ENAH: variants seen among roughly 807,000 people sequenced by gnomAD.
The protein encoded by ENAH is ENAH actin regulator, also known as protein enabled homolog.
A neutral mutation model predicts 78.7 loss-of-function variants in ENAH; 23 were observed. The observed-to-expected ratio is 0.29, with a 90% confidence interval of 0.21 to 0.41. The LOEUF is 0.41. ENAH is among the 10% of genes least tolerant of loss of function. The probability of loss-of-function intolerance (pLI) is 1.00; values close to 1 mark genes in which losing one functional copy is unlikely to be tolerated. For synonymous variants in ENAH, 226 were observed against 241.0 expected (o/e 0.94, Z 0.58); for missense variants, 544 against 691.0 (o/e 0.79, Z 2.39).
rs190823607 is a variant in ENAH, at chr1:225,600,854, T to A, written c.6-33440A>T. On this transcript the variant is annotated intron_variant, in intron 1 of 13. Transcript: ENST00000366843. ...GATTTAAGAGGAAAATATATAGCTT[T>A]AAACATTTACCAGGAAATAAAAAAG... Among the ~76,000 whole-genome samples, 10 of 151,894 alleles carry A rather than the reference T, an allele frequency of 6.6e-5. 1 individual carries two copies. The highest frequency in any genetic ancestry group is 6.8e-3 in the Middle Eastern group (2 of 294).
chr1:225,641,227 C>T (rs1320582585), intron 1 of ENAH, among the ~76,000 whole-genome samples: 3 of 151,224 alleles, frequency 2.0e-5, no homozygotes, highest in Non-Finnish European at 4.4e-5. Context: ...ATGTACTTAA[C>T]GATAAAAAAG....
intron 1 of ENAH, among the ~76,000 whole-genome samples, chr1:225,623,765 A>G (rs1468774142): frequency 2.0e-5 from 3 of 151,606 alleles, no homozygotes; most frequent in African/African-American, 4.8e-5. Flanking sequence ...TTTTTCTTGT[A>G]TTTTTAGTAG....
Position 225,494,889 on chromosome 1 carries a change from C to T in ENAH, c.*2886G>A, listed in dbSNP as rs149028026. 1.6e-4 allele frequency: 24 copies of T among 152,488 alleles called. 3 individuals carry two copies. Among genetic ancestry groups the T allele is most frequent in the African/African-American group, 2.9e-4 (12 of 41,476 alleles). 9.4% of individuals were successfully genotyped at this position (152,488 alleles called of 1,614,324 possible). ...GAAACTTAAATGAAACAAATTTAAACGAAATAGTTACGGTAAAAATAGCAG... is the reference window on the plus strand; with the variant it reads ...GAAACTTAAATGAAACAAATTTAAATGAAATAGTTACGGTAAAAATAGCAG... On this transcript the variant is annotated 3_prime_UTR_variant, in exon 14 of 14. Transcript: ENST00000366843.
chr1:225,537,121 A>G (rs1050117056), intron 3 of ENAH, among the ~76,000 whole-genome samples: 5 of 152,032 alleles, frequency 3.3e-5, no homozygotes, highest in African/African-American at 1.2e-4. Context: ...TTTATTCCAT[A>G]TTTAAAGAGA....
upstream of ENAH, among the ~76,000 whole-genome samples, chr1:225,653,864 T>G (rs190565128): frequency 4.2e-4 from 64 of 152,332 alleles, no homozygotes; most frequent in East Asian, 9.1e-3. The surrounding 1 kb of genome is among the most constrained non-coding windows in gnomAD (Gnocchi z 4.3). Flanking sequence ...CTTCGCTCCT[T>G]TTCTTCCCGA....
At chr1:225,616,058 C>A (rs1286748009) in intron 1 of ENAH, among the ~76,000 whole-genome samples, 7 of 152,172 alleles carry the variant, frequency 4.6e-5, no homozygotes, top group Admixed American at 3.9e-4. Context: ...AAAACATGTG[C>A]TGTGTCCACT....
chr1:225,527,746 C>G (rs1558761088), intron 4 of ENAH, among the ~76,000 whole-genome samples: 1 of 152,120 alleles, frequency 6.6e-6, no homozygotes, highest in Non-Finnish European at 1.5e-5. Context: ...CATCGCCTTG[C>G]CTTTACACAC....
At chr1:225,522,436 A>G (rs1371620417) in intron 4 of ENAH, among the ~76,000 whole-genome samples, 2 of 152,334 alleles carry the variant, frequency 1.3e-5, no homozygotes, top group Admixed American at 6.5e-5. Flanking sequence ...TTATTTATTT[A>G]TGAGTAGTTG....
chr1:225,561,883 T>C (rs1040621441), intron 2 of ENAH, among the ~76,000 whole-genome samples: 5 of 152,092 alleles, frequency 3.3e-5, no homozygotes, highest in African/African-American at 1.2e-4. Flanking sequence ...CTCACTATCT[T>C]ATCCTGTCTA....
At chr1:225,530,470 A>G in intron 4 of ENAH, 84 bp downstream of exon 4, 1 of 1,120,340 alleles carries the variant, frequency 8.9e-7, no homozygotes, top group Non-Finnish European at 1.3e-6. Context: ...AGCTGATAAG[A>G]CATAATCTAC....
intron 1 of ENAH, among the ~76,000 whole-genome samples, chr1:225,585,577 C>T (rs1041529273): frequency 1.1e-4 from 16 of 152,054 alleles, no homozygotes; most frequent in African/African-American, 3.4e-4. Context: ...CACCTGAGGT[C>T]GGGAGTTCGA....
At chr1:225,535,597 A>G in intron 3 of ENAH, 1 of 1,265,448 alleles carries the variant, frequency 7.9e-7, no homozygotes, top group Non-Finnish European at 1.0e-6. Flanking sequence ...GAAGCTTCGA[A>G]GGACAACGGG....
intron 11 of ENAH, among the ~76,000 whole-genome samples, chr1:225,503,671 A>AAAAC (rs2096301125): frequency 1.3e-5 from 2 of 150,290 alleles, no homozygotes; most frequent in East Asian, 1.9e-4. Flanking sequence ...AAAAAAAAAA[A>AAAAC]AAAAAAACAC....
At chr1:225,518,955 GA>G in intron 5 of ENAH, 1 of 599,404 alleles carries the variant, frequency 1.7e-6, no homozygotes, top group Non-Finnish European at 2.7e-6. Flanking sequence ...GGTGTTAGAA[GA>G]ATTAGAATGG....
At chr1:225,522,664 A>G (rs1182201073) in intron 4 of ENAH, among the ~76,000 whole-genome samples, 1 of 152,204 alleles carries the variant, frequency 6.6e-6, no homozygotes, top group Admixed American at 6.5e-5. Flanking sequence ...AGTAACCTGC[A>G]GTTAATAAAC....
chr1:225,606,303 A>G (rs1461007117), intron 1 of ENAH, among the ~76,000 whole-genome samples: 1 of 151,942 alleles, frequency 6.6e-6, no homozygotes, highest in Non-Finnish European at 1.5e-5. Context: ...TTCTACTAAA[A>G]ATATAAAAAT....
intron 1 of ENAH, among the ~76,000 whole-genome samples, chr1:225,598,295 C>T (rs2096912504): frequency 6.7e-6 from 1 of 149,810 alleles, no homozygotes; most frequent in African/African-American, 2.5e-5. Context: ...AGATAATCTA[C>T]CCAAGAGTGA....
intron 1 of ENAH, among the ~76,000 whole-genome samples, chr1:225,638,107 C>T (rs1030241237): frequency 6.6e-6 from 1 of 151,742 alleles, no homozygotes; most frequent in African/African-American, 2.4e-5. Context: ...TCCCATTTTG[C>T]AAAAAAAGAA....
At chr1:225,643,563 T>C (rs1307871404) in intron 1 of ENAH, among the ~76,000 whole-genome samples, 1 of 152,168 alleles carries the variant, frequency 6.6e-6, no homozygotes, top group Non-Finnish European at 1.5e-5. Flanking sequence ...ATCTTTAAGA[T>C]TTAAGTAGAC....
Sources: gnomAD v4.1 joint callset for allele counts (sites outside exome capture counted in the v4.1 genomes callset) on GRCh38, gnomAD v4.1.1 for gene constraint, Gnocchi (gnomAD v3.1) non-coding constraint, MANE v1.5 for transcripts, NCBI Gene and HGNC (gene_info 2026-07-23, HGNC 2026-07-21) for gene names.